The following PCDHA5 variants were observed in gnomAD, a reference collection of about 807,000 sequenced individuals.
The protein encoded by PCDHA5 is protocadherin alpha-5.
A neutral mutation model predicts 61.6 loss-of-function variants in PCDHA5; 43 were observed. That is an observed-to-expected ratio of 0.70 (90% CI 0.55 to 0.90). The LOEUF is 0.90. PCDHA5 is among the 40% of genes least tolerant of loss of function. The probability of loss-of-function intolerance (pLI) is 0.00; values close to 1 mark genes in which losing one functional copy is unlikely to be tolerated. For synonymous variants in PCDHA5, 627 were observed against 543.9 expected, an observed-to-expected ratio of 1.15 and a Z score of -2.13; for missense variants, 1,298 against 1,222.7, an observed-to-expected ratio of 1.06 and a Z score of -0.92.
rs141467715 is a variant in PCDHA5 at position 140,882,439 on chromosome 5, G to A, written c.2352+58312G>A. 19 of 1,613,928 alleles carry A rather than the reference G, an allele frequency of 1.2e-5. No individual in the cohort carries two copies. The African/African-American group carries it at 1.5e-4, about 12-fold the overall frequency. ...CTCAGGACCTGGGGCTGGAGCTGGC[G>A]GAGCTGGTGCCGCGCCTGTTCCGGG... is the stretch of plus-strand genomic sequence containing the variant. On this transcript the variant is annotated intron_variant, in intron 1 of 3. Transcript: ENST00000529859.
intron 3 of PCDHA5, among the ~76,000 whole-genome samples, chr5:141,001,540 G>A (rs1318714170): frequency 6.6e-6 from 1 of 152,174 alleles, no homozygotes; most frequent in African/African-American, 2.4e-5. Flanking sequence ...TCCTGGACAG[G>A]ATTTGGGTTT....
At chr5:140,843,714 A>G (rs2150365461) in intron 1 of PCDHA5, 11 of 1,569,726 alleles carry the variant, frequency 7.0e-6, no homozygotes, top group Admixed American at 6.9e-5. Flanking sequence ...CATGGCCTCA[A>G]AGTAAGTCCA....
rs185992249 is a variant in PCDHA5 at position 140,825,788 on chromosome 5, G to A, written c.2352+1661G>A. 348 of 152,420 alleles carry A rather than the reference G, an allele frequency of 2.3e-3. 1 individual carries two copies. The highest frequency in any genetic ancestry group is 4.4e-3 in the Non-Finnish European group (300 of 67,998). The allele number at this position is 152,420 out of a possible 1,614,324, so 9.4% of individuals were successfully genotyped here. On this transcript the variant is annotated intron_variant, in intron 1 of 3. Transcript: ENST00000529859. ...GTTGTGCAAATTCTACTATATTTTG[G>A]TTGGGAAATTTTACTGCTTGTTGTT... is the stretch of plus-strand genomic sequence containing the variant.
chr5:140,914,772 C>T lies in PCDHA5; in HGVS notation c.2353-64177C>T, dbSNP rs143748722. On this transcript the variant is annotated intron_variant, in intron 1 of 3. Transcript: ENST00000529859. ...ATTTGAGGTTACATGAGGTTTATGA[C>T]TTATCTTATGACCCATTATTTTAAA... Among the ~76,000 whole-genome samples, 1,217 of 151,940 alleles carry T rather than the reference C, an allele frequency of 8.0e-3. 6 individuals are homozygous for T. The highest frequency in any genetic ancestry group is 0.019 in the African/African-American group (786 of 41,464).
intron 3 of PCDHA5, among the ~76,000 whole-genome samples, chr5:140,990,224 G>A (rs1368393390): frequency 6.6e-6 from 1 of 152,160 alleles, no homozygotes; most frequent in South Asian, 2.1e-4. Flanking sequence ...GAAGTTTATT[G>A]TAACTAGCGT....
chr5:140,835,773 G>A (rs1554135255), intron 1 of PCDHA5: 5 of 1,613,392 alleles, frequency 3.1e-6, no homozygotes, highest in Admixed American at 3.3e-5. Flanking sequence ...TACGGTGTTC[G>A]TGAAGGAGAA....
At chr5:140,833,614 T>A (rs1430791887) in intron 1 of PCDHA5, among the ~76,000 whole-genome samples, 2 of 152,120 alleles carry the variant, frequency 1.3e-5, no homozygotes, top group African/African-American at 4.8e-5. Flanking sequence ...AAGCAAAAAA[T>A]TCAGAATACT....
intron 1 of PCDHA5, among the ~76,000 whole-genome samples, chr5:140,973,624 A>G (rs2096595807): frequency 6.6e-6 from 1 of 152,204 alleles, no homozygotes; most frequent in African/African-American, 2.4e-5. Flanking sequence ...CTGTTTCTGT[A>G]TCTTGTACAC....
At chr5:140,958,241 AT>A (rs2095415572) in intron 1 of PCDHA5, among the ~76,000 whole-genome samples, 1 of 152,118 alleles carries the variant, frequency 6.6e-6, no homozygotes, top group Non-Finnish European at 1.5e-5. Flanking sequence ...GTTTTTAACA[AT>A]TCTGAACAAA....
intron 1 of PCDHA5, chr5:140,854,285 T>C (rs888416864): frequency 1.9e-6 from 1 of 521,658 alleles, no homozygotes; most frequent in Admixed American, 6.5e-5. Flanking sequence ...GAGTTTAGTT[T>C]TTATTATTTT....
rs868916716 is a variant in PCDHA5, at chr5:140,823,120, G to C, written c.1345G>C (p.Asp449His). The C allele has an allele frequency of 1.9e-6, 3 of 1,613,940 alleles. No homozygotes were observed. The highest frequency in any genetic ancestry group is 1.3e-5 in the African/African-American group (1 of 74,938). The change falls in exon 1 of 4, where the codon GAC becomes CAC. Residue 449 changes from aspartate to histidine, a missense_variant. Transcript: ENST00000529859. ...GTCTGTGGAAGTGGCCGACGTGAAC[G>C]ACAACGCTCCGGCGTTCGCGCAGCC... is the stretch of plus-strand genomic sequence containing the variant. ...SVSVEVADVN[D>H]NAPAFAQPQY...
At chr5:140,833,144 G>A (rs1580756021) in intron 1 of PCDHA5, among the ~76,000 whole-genome samples, 1 of 152,142 alleles carries the variant, frequency 6.6e-6, no homozygotes, top group South Asian at 2.1e-4. Context: ...AAAGTGTGAA[G>A]CAATACGAAT....
chr5:140,843,218 A>C, intron 1 of PCDHA5: 1 of 1,596,010 alleles, frequency 6.3e-7, no homozygotes, highest in Non-Finnish European at 8.6e-7. Context: ...CGAGATCAGC[A>C]CCACTCGTGT....
intron 1 of PCDHA5, chr5:140,828,530 C>T: frequency 3.1e-6 from 5 of 1,614,226 alleles, no homozygotes; most frequent in Non-Finnish European, 4.2e-6. Flanking sequence ...CGAATCTAGG[C>T]TGCCAGATTC....
In PCDHA5 at chr5:140,823,590, G is replaced by A; in HGVS notation, c.1815G>A (p.Trp605Ter). The part of the protein sequence containing the change: ...AVDPDSGYNA[W>*]LSYELQPAPG... ...ACCCTGATTCGGGCTACAACGCTTGGCTTTCGTATGAGCTGCAGCCAGCGC... is the reference window on the plus strand; with the variant it reads ...ACCCTGATTCGGGCTACAACGCTTGACTTTCGTATGAGCTGCAGCCAGCGC... Residue 605 changes from tryptophan to a stop codon, truncating the protein, a stop_gained, in exon 1 of 4, where the codon TGG (tryptophan) becomes TGA (stop). Transcript: ENST00000529859. LOFTEE classifies it high-confidence loss of function. The A allele has an allele frequency of 3.7e-6, 6 of 1,614,004 alleles. No individual in the cohort carries two copies. Among genetic ancestry groups the A allele is most frequent in the Non-Finnish European group, 5.1e-6 (6 of 1,179,932 alleles).
chr5:140,988,512 T>TCC (rs2097301181), intron 3 of PCDHA5, among the ~76,000 whole-genome samples: 1 of 152,218 alleles, frequency 6.6e-6, no homozygotes, highest in Non-Finnish European at 1.5e-5. Flanking sequence ...TGAAGCTTAC[T>TCC]TAAGTCTCTG....
At chr5:141,006,993 T>A (rs1484865636) in intron 3 of PCDHA5, among the ~76,000 whole-genome samples, 5 of 152,290 alleles carry the variant, frequency 3.3e-5, no homozygotes, top group African/African-American at 4.8e-5. Flanking sequence ...GCTTAAAATA[T>A]AAGTCTGCAT....
chr5:140,856,314 T>C (rs2043919733), intron 1 of PCDHA5: 1 of 1,598,440 alleles, frequency 6.3e-7, no homozygotes, highest in African/African-American at 1.3e-5. Context: ...AATTCTCGGA[T>C]TGACCGCGAG....
At chr5:140,999,476 A>G (rs1209910607) in intron 3 of PCDHA5, among the ~76,000 whole-genome samples, 6 of 152,124 alleles carry the variant, frequency 3.9e-5, no homozygotes, top group African/African-American at 1.2e-4. Flanking sequence ...GCAGATTCCA[A>G]CTCAAGTCTA....
Sources: allele counts gnomAD v4.1 joint callset (sites outside exome capture counted in the v4.1 genomes callset), GRCh38; gene constraint gnomAD v4.1.1; transcripts MANE v1.5; gene names NCBI Gene and HGNC (gene_info 2026-07-23, HGNC 2026-07-21).